EIF2B4: variants seen among roughly 807,000 people sequenced by gnomAD.
EIF2B4 encodes the protein eukaryotic translation initiation factor 2B subunit delta, also known as translation initiation factor eIF2B subunit delta.
A neutral mutation model predicts 66.7 loss-of-function variants in EIF2B4; 34 were observed. The ratio of observed to expected loss-of-function variants is 0.51; its 90% confidence interval spans 0.39 to 0.68. The LOEUF (loss-of-function observed/expected upper bound fraction) is 0.68. Among genes scored for constraint, EIF2B4 ranks in the 30% least tolerant of loss-of-function variants. EIF2B4 has a pLI of 0.00. For missense variants in EIF2B4, 618 were observed against 657.9 expected, an observed-to-expected ratio of 0.94 and a Z score of 0.66; for synonymous variants, 278 against 253.6, an observed-to-expected ratio of 1.10 and a Z score of -0.92.
chr2:27,367,747 T>C lies in EIF2B4; in HGVS notation c.781A>G (p.Ser261Gly). 6.2e-7 allele frequency: 1 copy of C among 1,613,602 alleles called. No individual in the cohort carries two copies. Among genetic ancestry groups the C allele is most frequent in the South Asian group, 1.1e-5 (1 of 91,064 alleles). ...GTGGACTTATAGTGTTGTCCCTACC[T>C]CATGTAGGGTTTTAGTTTATTCACT... is the stretch of plus-strand genomic sequence containing the variant. ...DLVNKLKPYM[S>G]FLTQCRPLSA... The change falls in exon 8 of 13, where the codon AGC becomes GGC. Residue 261 changes from serine (S) to glycine (G), a missense_variant and splice_region_variant. Around this residue, in one of 4 missense-constraint regions of EIF2B4, gnomAD observed 506 missense variants for 511.9 expected, o/e 0.99. Coordinates refer to ENST00000347454, the MANE Select transcript of EIF2B4 (RefSeq NM_001034116.2).
chr2:27,369,514 C>A lies in EIF2B4; in HGVS notation c.111G>T (p.Leu37=). The change falls in exon 3 of 13, where the codon CTG becomes CTT. Residue 37 remains leucine (L), a synonymous_variant. Coordinates refer to ENST00000347454, the MANE Select transcript of EIF2B4 (RefSeq NM_001034116.2). ...GCTGTTTCTTTTCCTTCCGAAGCTG[C>A]AGCTTTTCTTCTTTGGTCATTTCCC... The part of the protein sequence containing the change: ...VGREMTKEEK[L]QLRKEKKQQK... The A allele has an allele frequency of 6.2e-7, 1 of 1,614,190 alleles. No homozygotes were observed. The highest frequency in any genetic ancestry group is 8.5e-7 in the Non-Finnish European group (1 of 1,180,052).
Position 27,364,507 on chromosome 2 carries a change from A to G in EIF2B4, c.1465T>C (p.Tyr489His), listed in dbSNP as rs113994040. ...HASLRLLNLV[Y>H]DVTPPELVDL... ...ACAAGCTCTGGGGGAGTCACATCAT[A>G]GACTAGATTCAACAACCGTAGGGAT... Residue 489 changes from tyrosine to histidine, a missense_variant, in exon 13 of 13, where the codon TAT becomes CAT. This residue lies in a region of EIF2B4 where 63 missense variants were observed against 47.5 expected (regional missense o/e 1.33). Coordinates refer to ENST00000347454, the MANE Select transcript of EIF2B4 (RefSeq NM_001034116.2). 1.9e-6 allele frequency: 3 copies of G among 1,614,138 alleles called. No homozygotes were observed. Among genetic ancestry groups the G allele is most frequent in the Non-Finnish European group, 2.5e-6 (3 of 1,180,062 alleles).
intron 11 of EIF2B4, chr2:27,365,163 T>A: frequency 2.5e-6 from 1 of 402,274 alleles, no homozygotes; most frequent in Non-Finnish European, 4.7e-6. Context: ...TTCAAGTGAT[T>A]CTCCTGCCTC....
rs559997020 is a variant in EIF2B4 at position 27,369,882 on chromosome 2, C to T, written c.69G>A (p.Gly23=). ...GGAGGGAAGCCTCACTTACCCCAGG[C>T]CCAGGGGGAAGCTCCGCCTTCATCC... ...GSGMKAELPP[G]PGAVGREMTK... The change falls in exon 2 of 13, where the codon GGG becomes GGA. Residue 23 remains glycine (G), a synonymous_variant. Transcript: ENST00000347454. 3.2e-6 allele frequency: 5 copies of T among 1,582,532 alleles called. No individual in the cohort carries two copies. The African/African-American group carries it at 4.0e-5, about 13-fold the overall frequency.
Position 27,369,549 on chromosome 2 carries a change from C to G in EIF2B4, c.76G>C (p.Ala26Pro), listed in dbSNP as rs747925994. The G allele has an allele frequency of 1.2e-6, 2 of 1,614,008 alleles. No individual in the cohort carries two copies. The highest frequency in any genetic ancestry group is 1.7e-5 in the Admixed American group (1 of 60,000). Residue 26 changes from alanine to proline, a missense_variant and splice_region_variant, in exon 3 of 13, where the codon GCA becomes CCA. Ala to Pro is a conservative substitution (Grantham distance 27). Transcript: ENST00000347454. The part of the protein sequence containing the change: ...MKAELPPGPG[A>P]VGREMTKEEK... The stretch of plus-strand genomic sequence containing the variant: ...TCTTTGGTCATTTCCCTCCCCACTG[C>G]CTGAGACACAGACATAGGATACTGC...
chr2:27,368,341 C>A, intron 6 of EIF2B4, 31 bp downstream of exon 6: 2 of 1,586,390 alleles, frequency 1.3e-6, no homozygotes, highest in Non-Finnish European at 1.7e-6. Flanking sequence ...TCCTCAGACT[C>A]AAAAGTTATG....
chr2:27,370,274 C>T lies in EIF2B4; in HGVS notation c.31+10G>A. 1.3e-6 allele frequency: 2 copies of T among 1,549,538 alleles called. No individual in the cohort carries two copies. The highest frequency in any genetic ancestry group is 8.7e-7 in the Non-Finnish European group (1 of 1,149,962). On this transcript the variant is annotated intron_variant, in intron 1 of 12. Transcript: ENST00000347454. ...CGCGTACCAGTAGGCAGGCCCGGCT[C>T]TTCACTCACCCTCGCGAACAGCCAC...
Position 27,369,198 on chromosome 2 carries a change from C to G in EIF2B4, c.226G>C (p.Glu76Gln). ...AACTGAATGCCCGATTCTGGCAGTTCTCTGGTTGGGCCTACTAAAAGCATT... is the reference window on the plus strand; with the variant it reads ...AACTGAATGCCCGATTCTGGCAGTTGTCTGGTTGGGCCTACTAAAAGCATT... ...AAQCQVGPTR[E>Q]LPESGIQLGT... The change falls in exon 4 of 13, where the codon GAA (glutamate) becomes CAA (glutamine). Residue 76 changes from glutamate to glutamine, a missense_variant. Transcript: ENST00000347454. 1 of 1,612,260 alleles carries G rather than the reference C, an allele frequency of 6.2e-7. No individual in the cohort carries two copies. The highest frequency in any genetic ancestry group is 8.5e-7 in the Non-Finnish European group (1 of 1,179,936).
rs1448680103 is a variant in EIF2B4 at position 27,370,306 on chromosome 2, A to G, written c.9T>C (p.Ala3=). MA[A]VAVAVREDSG... is the part of the protein sequence containing the mutation. ...CACCCTCGCGAACAGCCACGGCCAC[A>G]GCAGCCATCGCCCTCAGTCCTAGGC... Residue 3 remains alanine, a synonymous_variant, in exon 1 of 13, where the codon GCT becomes GCC. Coordinates refer to ENST00000347454, the MANE Select transcript of EIF2B4 (RefSeq NM_001034116.2). The G allele has an allele frequency of 6.5e-7, 1 of 1,545,044 alleles. No homozygotes were observed. The highest frequency in any genetic ancestry group is 8.7e-7 in the Non-Finnish European group (1 of 1,147,762).
At position 27,367,729 on chromosome 2, in the gene EIF2B4, T is replaced by C; in HGVS notation, c.782+17A>G. ...AGATTGGGCGAGCTGGGAGTGGACT[T>C]ATAGTGTTGTCCCTACCTCATGTAG... On this transcript the variant is annotated intron_variant, in intron 8 of 12. Transcript: ENST00000347454. 1 of 1,608,260 alleles carries C rather than the reference T, an allele frequency of 6.2e-7. No homozygotes were observed. The highest frequency in any genetic ancestry group is 8.5e-7 in the Non-Finnish European group (1 of 1,174,722).
At chr2:27,364,673 T>C in intron 12 of EIF2B4, 45 bp downstream of exon 12, 1 of 1,614,166 alleles carries the variant, frequency 6.2e-7, no homozygotes, top group Non-Finnish European at 8.5e-7. Flanking sequence ...TCCCTCCCTC[T>C]CAAGTCTTCA....
At position 27,369,053 on chromosome 2, in the gene EIF2B4, C is replaced by T; in HGVS notation, c.371G>A (p.Gly124Glu). The change falls in exon 4 of 13, where the codon GGA becomes GAA. Residue 124 changes from glycine (G) to glutamate (E), a missense_variant. By Grantham distance (98) the Gly-to-Glu change is moderately conservative. Coordinates refer to ENST00000347454, the MANE Select transcript of EIF2B4 (RefSeq NM_001034116.2). ...GCTGGGGCTGGCCTTAGGAGGTGGT[C>T]CTCCTTGTTCCCCTTTTCTTGCCTG... ...LKQARKGEQG[G>E]PPPKASPSTA... 6.2e-7 allele frequency: 1 copy of T among 1,614,078 alleles called. No homozygotes were observed. The highest frequency in any genetic ancestry group is 1.1e-5 in the South Asian group (1 of 91,076).
Position 27,364,517 on chromosome 2 carries a change from C to G in EIF2B4, c.1455G>C (p.Leu485Phe). The change falls in exon 13 of 13, where the codon TTG becomes TTC. Residue 485 changes from leucine to phenylalanine, a missense_variant. Physicochemically the swap from Leu to Phe is conservative, Grantham distance 22. This residue lies in a region of EIF2B4 where 63 missense variants were observed against 47.5 expected (regional missense o/e 1.33). Coordinates refer to ENST00000347454, the MANE Select transcript of EIF2B4 (RefSeq NM_001034116.2). The stretch of plus-strand genomic sequence containing the variant: ...GGGGAGTCACATCATAGACTAGATT[C>G]AACAACCGTAGGGATGCGTGGTTCT... ...NWQNHASLRL[L>F]NLVYDVTPPE... The G allele has an allele frequency of 6.2e-7, 1 of 1,614,218 alleles. No individual in the cohort carries two copies. Among genetic ancestry groups the G allele is most frequent in the Non-Finnish European group, 8.5e-7 (1 of 1,180,038 alleles).
At position 27,368,693 on chromosome 2, in the gene EIF2B4, T is replaced by C. The variant is rs1309442954; in HGVS notation, c.459A>G (p.Leu153=). 4.3e-6 allele frequency: 7 copies of C among 1,614,208 alleles called. No homozygotes were observed. Among genetic ancestry groups the C allele is most frequent in the Admixed American group, 3.3e-5 (2 of 60,026 alleles). The change falls in exon 5 of 13, where the codon CTA becomes CTG. Residue 153 remains leucine (L), a synonymous_variant. Coordinates refer to ENST00000347454, the MANE Select transcript of EIF2B4 (RefSeq NM_001034116.2). ...RLPEYPQVDD[L]LLRRLVKKPE... Reference sequence around the variant, plus strand: ...GTTTTTTAACAAGCCTTCTCAGAAGTAGGTCATCAACCTGAGGGTACTCAG... The same window carrying C: ...GTTTTTTAACAAGCCTTCTCAGAAGCAGGTCATCAACCTGAGGGTACTCAG...
chr2:27,367,595 C>T, intron 8 of EIF2B4, 36 bp from the exon 9 acceptor site: 3 of 1,609,406 alleles, frequency 1.9e-6, no homozygotes, highest in South Asian at 2.2e-5. Flanking sequence ...ATCTGCGCAA[C>T]TCTTCACAAC....
Position 27,364,729 on chromosome 2 carries a change from G to C in EIF2B4, c.1361C>G (p.Ser454Cys). The change falls in exon 12 of 13, where the codon TCT becomes TGT. Residue 454 changes from serine (S) to cysteine (C), a missense_variant. Around this residue, in one of 4 missense-constraint regions of EIF2B4, gnomAD observed 36 missense variants for 65.5 expected, o/e 0.55. Coordinates refer to ENST00000347454, the MANE Select transcript of EIF2B4 (RefSeq NM_001034116.2). ...CERVQTDAFV[S>C]NELDDPDDLQ... ...TTTTGCCTCCTTACCTAGCTCATTAGAGACAAAGGCATCAGTCTGCACACG... is the reference window on the plus strand; with the variant it reads ...TTTTGCCTCCTTACCTAGCTCATTACAGACAAAGGCATCAGTCTGCACACG... The C allele has an allele frequency of 6.2e-7, 1 of 1,614,204 alleles. No individual in the cohort carries two copies. Among genetic ancestry groups the C allele is most frequent in the African/African-American group, 1.3e-5 (1 of 75,040 alleles).
Position 27,364,613 on chromosome 2 carries a change from C to T in EIF2B4, c.1373-14G>A, listed in dbSNP as rs779220723. On this transcript the variant is annotated splice_polypyrimidine_tract_variant and intron_variant, in intron 12 of 12. Transcript: ENST00000347454. ...CATCAGGGTCATCTGCAATGGAAGG[C>T]GTACCCATTATGTTCTTTCAGAAAA... 1.5e-5 allele frequency: 25 copies of T among 1,614,046 alleles called. No individual in the cohort carries two copies. The highest frequency in any genetic ancestry group is 1.2e-4 in the Admixed American group (7 of 59,998).
At chr2:27,364,645 C>G (rs1039636499) in intron 12 of EIF2B4, 46 bp from the exon 13 acceptor site, 1 of 1,614,116 alleles carries the variant, frequency 6.2e-7, no homozygotes, top group Non-Finnish European at 8.5e-7. Flanking sequence ...AAAAGAAGTT[C>G]TAGTTTATCC....
At chr2:27,370,000 T>C (rs1330601753) in intron 1 of EIF2B4, 81 bp from the exon 2 acceptor site, 3 of 1,536,364 alleles carry the variant, frequency 2.0e-6, no homozygotes, top group East Asian at 4.9e-5. Flanking sequence ...CGCAGCCGGC[T>C]GCTGGGTTGG....
Sources: gnomAD v4.1 joint callset for allele counts on GRCh38, gnomAD v4.1.1 for gene constraint, gnomAD v4.1.1 regional missense constraint, MANE v1.5 for transcripts, NCBI Gene and HGNC (gene_info 2026-07-23, HGNC 2026-07-21) for gene names.